Variants in TCF4 observed in about 807,000 individuals in gnomAD.
TCF4 encodes the protein SL3-3 enhancer factor 2.
Under a neutral mutation model 82.1 loss-of-function variants are expected in TCF4, and 3 were observed. The ratio of observed to expected loss-of-function variants is 0.04; its 90% CI spans 0.02 to 0.09. The LOEUF is 0.09. TCF4 is among the 10% of genes least tolerant of loss of function. The pLI, the probability that TCF4 is intolerant of heterozygous loss-of-function variation, is 1.00. For missense variants in TCF4, 518 were observed against 852.7 expected (o/e 0.61, Z 4.89); for synonymous variants, 276 against 309.6 (o/e 0.89, Z 1.14).
intron 1 of TCF4, among the ~76,000 whole-genome samples, chr18:55,631,811 C>G (rs114157369): frequency 2.0e-5 from 3 of 152,200 alleles, no homozygotes; most frequent in Non-Finnish European, 4.4e-5. Flanking sequence ...TAACCAACCT[C>G]GTTGCATCCC....
chr18:55,599,953 G>C (rs917408141), intron 2 of TCF4, among the ~76,000 whole-genome samples: 1 of 152,116 alleles, frequency 6.6e-6, no homozygotes, highest in Non-Finnish European at 1.5e-5. Flanking sequence ...ACATCATCCA[G>C]TGGAATATAT....
chr18:55,372,894 G>GAGAT (rs1388599771), intron 6 of TCF4, among the ~76,000 whole-genome samples: 1 of 152,022 alleles, frequency 6.6e-6, no homozygotes, highest in Non-Finnish European at 1.5e-5. Context: ...GACTTTAATA[G>GAGAT]AGATATATAA....
At chr18:55,396,096 G>A (rs1292988640) in intron 6 of TCF4, among the ~76,000 whole-genome samples, 5 of 152,058 alleles carry the variant, frequency 3.3e-5, no homozygotes, top group Non-Finnish European at 7.4e-5. Context: ...GCCTGGAATC[G>A]ACCAGACAGG....
intron 5 of TCF4, among the ~76,000 whole-genome samples, chr18:55,457,065 A>C (rs1014060575): frequency 6.6e-6 from 1 of 152,250 alleles, no homozygotes; most frequent in Non-Finnish European, 1.5e-5. Flanking sequence ...GTGAGTTCTT[A>C]GTAAATGTCA....
At chr18:55,495,988 C>T (rs984637069) in intron 3 of TCF4, 1 of 152,026 alleles carries the variant, frequency 6.6e-6, no homozygotes, top group Admixed American at 6.6e-5. Context: ...TGCATTTTTC[C>T]CTTTCCTAGG....
chr18:55,635,433 C>T (rs549587292), intron 1 of TCF4, among the ~76,000 whole-genome samples: 6 of 151,108 alleles, frequency 4.0e-5, no homozygotes, highest in South Asian at 4.2e-4. Context: ...TGCTAGAACC[C>T]GGGAGGCAGA....
At chr18:55,460,498 C>T (rs2095851170) in intron 5 of TCF4, among the ~76,000 whole-genome samples, 2 of 152,170 alleles carry the variant, frequency 1.3e-5, no homozygotes. Context: ...GCCATTAGCA[C>T]TAAAGTTCAT....
At chr18:55,589,228 C>T, upstream of TCF4, 4 of 1,025,752 alleles carry the variant, frequency 3.9e-6, no homozygotes, top group Non-Finnish European at 4.7e-6. Context: ...AATAAAACAT[C>T]GGGATCGACA....
At chr18:55,382,813 T>C (rs944656481) in intron 6 of TCF4, among the ~76,000 whole-genome samples, 2 of 152,218 alleles carry the variant, frequency 1.3e-5, no homozygotes, top group Non-Finnish European at 2.9e-5. Flanking sequence ...TTTGGGAGTA[T>C]GTTAAATATT....
At chr18:55,302,470 T>A in intron 8 of TCF4, 1 of 1,536,166 alleles carries the variant, frequency 6.5e-7, no homozygotes, top group Non-Finnish European at 8.7e-7. Context: ...AGCATCTGCA[T>A]TGTTTAAATT....
intron 5 of TCF4, among the ~76,000 whole-genome samples, chr18:55,418,773 A>C (rs997553000): frequency 4.6e-5 from 7 of 152,196 alleles, no homozygotes; most frequent in African/African-American, 1.7e-4. Context: ...AGGAGCATTA[A>C]AAAGATACAG....
intron 8 of TCF4, among the ~76,000 whole-genome samples, chr18:55,297,014 A>G (rs776343126): frequency 3.8e-4 from 58 of 151,672 alleles, no homozygotes; most frequent in Non-Finnish European, 6.6e-4. Flanking sequence ...ACTTCTCTCT[A>G]TTTTTCAACC....
At chr18:55,511,225 G>GAACTCGAGTATTTTTCAACATACTCGAA (rs2096824646) in intron 3 of TCF4, among the ~76,000 whole-genome samples, 1 of 148,622 alleles carries the variant, frequency 6.7e-6, no homozygotes, top group South Asian at 2.1e-4. Flanking sequence ...ACACAGTTCA[G>GAACTCGAGTATTTTTCAACATACTCGAA]CAAAGTATAA....
upstream of TCF4, among the ~76,000 whole-genome samples, chr18:55,593,336 G>A (rs187602344): frequency 4.5e-4 from 68 of 152,208 alleles, no homozygotes; most frequent in African/African-American, 1.6e-3. Context: ...TGTAAATGAA[G>A]GTGCTTTGTA....
chr18:55,549,493 T>G (rs1342673431), intron 3 of TCF4, among the ~76,000 whole-genome samples: 2 of 152,122 alleles, frequency 1.3e-5, no homozygotes, highest in African/African-American at 4.8e-5. Flanking sequence ...TTTTATAAGC[T>G]TTTTTTACTA....
chr18:55,443,549 GT>G (rs1159555865), intron 5 of TCF4, among the ~76,000 whole-genome samples: 1 of 152,100 alleles, frequency 6.6e-6, no homozygotes, highest in African/African-American at 2.4e-5. Context: ...TGTTGTTCTT[GT>G]TTTAGTTCTT....
chr18:55,569,940 G>C (rs543769802), intron 3 of TCF4, among the ~76,000 whole-genome samples: 1 of 152,204 alleles, frequency 6.6e-6, no homozygotes, highest in East Asian at 1.9e-4. Flanking sequence ...CTCCACAATA[G>C]CCCAAAGTCA....
chr18:55,418,173 T>C (rs1355539292), intron 5 of TCF4, among the ~76,000 whole-genome samples: 2 of 151,982 alleles, frequency 1.3e-5, no homozygotes, highest in African/African-American at 4.8e-5. Flanking sequence ...AAAGAGAAGA[T>C]GTTAAGATTC....
At chr18:55,249,861 A>G (rs911056532) in intron 15 of TCF4, among the ~76,000 whole-genome samples, 3 of 152,186 alleles carry the variant, frequency 2.0e-5, no homozygotes, top group Non-Finnish European at 2.9e-5. Context: ...TTTTGTTCTT[A>G]GTCAGTTAAA....
Sources: allele counts gnomAD v4.1 joint callset (sites outside exome capture counted in the v4.1 genomes callset), GRCh38; gene constraint gnomAD v4.1.1; transcripts MANE v1.5; gene names NCBI Gene and HGNC (gene_info 2026-07-23, HGNC 2026-07-21).